The following CSNK1G3 variants were observed in gnomAD, a reference collection of about 807,000 sequenced individuals.
CSNK1G3 encodes the protein casein kinase I isoform gamma-3.
Under a neutral mutation model 64.3 loss-of-function variants are expected in CSNK1G3, and 23 were observed. The ratio of observed to expected loss-of-function variants is 0.36; its 90% CI spans 0.26 to 0.51. The LOEUF is 0.51. CSNK1G3 is among the 20% of genes least tolerant of loss of function. The pLI is 0.96. For synonymous variants in CSNK1G3, 158 were observed against 162.2 expected (o/e 0.97, Z 0.20); for missense variants, 357 against 510.5 (o/e 0.70, Z 2.90).
At chr5:123,583,385 A>G (rs1790702070) in intron 6 of CSNK1G3, among the ~76,000 whole-genome samples, 1 of 135,118 alleles carries the variant, frequency 7.4e-6, no homozygotes, top group African/African-American at 2.8e-5. Flanking sequence ...TTTGAGACTG[A>G]GTTTCGCTCT....
At chr5:123,592,058 A>G (rs944479822) in intron 10 of CSNK1G3, among the ~76,000 whole-genome samples, 9 of 152,060 alleles carry the variant, frequency 5.9e-5, no homozygotes, top group East Asian at 1.9e-4. Flanking sequence ...AGAAATAGCT[A>G]TATTTAAAAA....
chr5:123,547,108 T>C (rs529680272), intron 2 of CSNK1G3, among the ~76,000 whole-genome samples: 2 of 152,278 alleles, frequency 1.3e-5, no homozygotes, highest in South Asian at 2.1e-4. Flanking sequence ...CCAGTACTTA[T>C]TACATATTTA....
At chr5:123,585,654 C>T (rs1377159600) in intron 6 of CSNK1G3, among the ~76,000 whole-genome samples, 1 of 152,126 alleles carries the variant, frequency 6.6e-6, no homozygotes, top group East Asian at 1.9e-4. Context: ...AACAGGCAAA[C>T]ACATGAAATA....
chr5:123,536,440 T>TTA lies in CSNK1G3; in HGVS notation c.-247-8977_-247-8976insTA, dbSNP rs1554068699. 5.7e-3 allele frequency among the ~76,000 whole-genome samples: 677 copies of TTA among 118,840 alleles called. 3 individuals are homozygous for TTA. Among genetic ancestry groups the TTA allele is most frequent in the Non-Finnish European group, 7.6e-3 (414 of 54,622 alleles). The allele number at this position is 118,840 out of a possible 152,430, so 78.0% of individuals were successfully genotyped here. On this transcript the variant is annotated intron_variant, in intron 1 of 12. Coordinates refer to ENST00000345990, the Ensembl canonical transcript of CSNK1G3. ...ATATGAAGGGCTTTTTTTTTTTTTT[T>TTA]AAAAAAAAAAGCTTCTTAAAGCTAG...
intron 1 of CSNK1G3, among the ~76,000 whole-genome samples, chr5:123,513,414 G>T (rs998990082): frequency 2.0e-5 from 3 of 152,112 alleles, no homozygotes; most frequent in Admixed American, 6.5e-5. Context: ...TTCAGATGGG[G>T]GAGAGAGTGA....
At chr5:123,577,331 C>A (rs1467337652) in intron 6 of CSNK1G3, among the ~76,000 whole-genome samples, 2 of 152,004 alleles carry the variant, frequency 1.3e-5, no homozygotes, top group Non-Finnish European at 1.5e-5. Context: ...CAGGCCCTTT[C>A]TGCAGCAGAA....
intron 1 of CSNK1G3, among the ~76,000 whole-genome samples, chr5:123,521,734 C>G (rs962906879): frequency 1.3e-5 from 2 of 152,076 alleles, no homozygotes; most frequent in Admixed American, 6.5e-5. Context: ...ATAGTTCATG[C>G]AGTCCTTGCT....
At chr5:123,544,579 C>T (rs974856277) in intron 1 of CSNK1G3, among the ~76,000 whole-genome samples, 1 of 152,128 alleles carries the variant, frequency 6.6e-6, no homozygotes, top group Non-Finnish European at 1.5e-5. Flanking sequence ...TCAATTTGTT[C>T]AAACAAAAGT....
intron 12 of CSNK1G3, among the ~76,000 whole-genome samples, chr5:123,609,045 G>A (rs980302678): frequency 1.3e-5 from 2 of 152,186 alleles, no homozygotes; most frequent in Admixed American, 1.3e-4. Flanking sequence ...GAGTCAGAGA[G>A]AAGAGGTTGA....
chr5:123,547,524 T>C (rs1782765342), intron 2 of CSNK1G3, among the ~76,000 whole-genome samples: 1 of 152,228 alleles, frequency 6.6e-6, no homozygotes, highest in South Asian at 2.1e-4. Flanking sequence ...TATGAGAAAC[T>C]GTATGTACCA....
chr5:123,541,434 A>G (rs1252506905), intron 1 of CSNK1G3, among the ~76,000 whole-genome samples: 1 of 151,638 alleles, frequency 6.6e-6, no homozygotes, highest in Non-Finnish European at 1.5e-5. Context: ...GTATTTGTTC[A>G]TTTATTTATT....
intron 3 of CSNK1G3, among the ~76,000 whole-genome samples, chr5:123,556,932 G>A (rs562223894): frequency 1.3e-5 from 2 of 152,166 alleles, no homozygotes; most frequent in East Asian, 1.9e-4. Flanking sequence ...AGTAAAAAAG[G>A]TATGATGGAA....
At chr5:123,588,574 C>A in intron 8 of CSNK1G3, 63 bp downstream of exon 8, 2 of 1,017,314 alleles carry the variant, frequency 2.0e-6, no homozygotes, top group Non-Finnish European at 3.0e-6. Flanking sequence ...ATTTTTATTG[C>A]TTAAGTTTAT....
intron 1 of CSNK1G3, among the ~76,000 whole-genome samples, chr5:123,517,004 A>T (rs906601305): frequency 3.9e-5 from 6 of 152,218 alleles, no homozygotes; most frequent in African/African-American, 1.4e-4. Context: ...GAGGAAATTC[A>T]TATGAAGTGC....
At chr5:123,588,341 C>G in intron 7 of CSNK1G3, 86 bp from the exon 8 acceptor site, 2 of 1,212,754 alleles carry the variant, frequency 1.6e-6, no homozygotes, top group South Asian at 1.2e-5. Flanking sequence ...CCTTCCAAAG[C>G]TCTGTGATTA....
chr5:123,527,401 A>T (rs1779274572), intron 1 of CSNK1G3, among the ~76,000 whole-genome samples: 1 of 152,184 alleles, frequency 6.6e-6, no homozygotes, highest in Non-Finnish European at 1.5e-5. Context: ...GGCAGAAGGA[A>T]GTCCTATCTC....
intron 10 of CSNK1G3, among the ~76,000 whole-genome samples, chr5:123,593,200 T>C (rs373277914): frequency 1.1e-5 from 1 of 91,748 alleles, no homozygotes; most frequent in Admixed American, 1.1e-4. Context: ...TGTGTGTATA[T>C]ATACACACAC....
chr5:123,576,140 T>C (rs1015757443), intron 6 of CSNK1G3, among the ~76,000 whole-genome samples, 177 bp downstream of exon 6: 2 of 152,212 alleles, frequency 1.3e-5, no homozygotes, highest in African/African-American at 4.8e-5. Context: ...TCTTTGAAAG[T>C]AAGTTACTAT....
chr5:123,612,634 C>T (rs1415481337), intron 12 of CSNK1G3, among the ~76,000 whole-genome samples: 4 of 151,812 alleles, frequency 2.6e-5, no homozygotes, highest in Admixed American at 1.3e-4. Flanking sequence ...CCTGTCACCA[C>T]GCCTGGCTAA....
Sources: gnomAD v4.1 joint callset for allele counts (sites outside exome capture counted in the v4.1 genomes callset) on GRCh38, gnomAD v4.1.1 for gene constraint, MANE v1.5 for transcripts, NCBI Gene and HGNC (gene_info 2026-07-23, HGNC 2026-07-21) for gene names.